Variants in RELL1 observed in about 807,000 individuals in gnomAD.
RELL1 encodes RELT-like protein 1.
A neutral mutation model predicts 23.0 loss-of-function variants in RELL1; 10 were observed. That is an observed-to-expected ratio of 0.43 (90% CI 0.27 to 0.74). The LOEUF is 0.74. Among genes scored for constraint, RELL1 ranks in the 30% least tolerant of loss-of-function variants. The pLI, the probability that RELL1 is intolerant of heterozygous loss-of-function variation, is 0.19. For synonymous variants in RELL1, 146 were observed against 146.8 expected, an observed-to-expected ratio of 0.99 and a Z score of 0.04; for missense variants, 315 against 364.4, an observed-to-expected ratio of 0.86 and a Z score of 1.10.
At chr4:37,677,071 G>C (rs1473282520) in intron 1 of RELL1, among the ~76,000 whole-genome samples, 2 of 152,192 alleles carry the variant, frequency 1.3e-5, no homozygotes, top group Non-Finnish European at 2.9e-5. Flanking sequence ...GACCATCAAA[G>C]TCCCTTCTGA....
At chr4:37,686,013 G>C (rs1722394379) in intron 1 of RELL1, among the ~76,000 whole-genome samples, 187 bp downstream of exon 1, 2 of 152,174 alleles carry the variant, frequency 1.3e-5, no homozygotes, top group South Asian at 2.1e-4. Flanking sequence ...GGGGAGGGAC[G>C]GGAGCCGTTG....
intron 1 of RELL1, among the ~76,000 whole-genome samples, chr4:37,683,950 G>A (rs1037373115): frequency 9.9e-5 from 15 of 151,916 alleles, no homozygotes; most frequent in South Asian, 6.3e-4. Flanking sequence ...GCATGGTGGC[G>A]GGCGCCTGTA....
Position 37,598,284 on chromosome 4 carries a change from A to AAAAAAAAAAAG in RELL1, c.*4-7068_*4-7067insCTTTTTTTTTT, listed in dbSNP as rs869260737. Reference sequence around the variant, plus strand: ...AAAAAAAAAAAAAAAAAAAAAAAAAAGTTTATAGGAAGAAAATATATAGAG... The same window carrying AAAAAAAAAAAG: ...AAAAAAAAAAAAAAAAAAAAAAAAAAAAAAAAAAAAGGTTTATAGGAAGAAAATATATAGAG... On this transcript the variant is annotated intron_variant, in intron 6 of 6. Transcript: ENST00000314117. Among the ~76,000 whole-genome samples the AAAAAAAAAAAG allele has an allele frequency of 1.0e-4, 12 of 117,248 alleles. 1 individual carries two copies. The highest frequency in any genetic ancestry group is 3.7e-4 in the African/African-American group (10 of 26,834). The allele number at this position is 117,248 out of a possible 152,430, so 76.9% of individuals were successfully genotyped here. A position where few individuals can be genotyped will look rare whatever the true frequency, so the allele number is the denominator to read the frequency against.
chr4:37,652,428 C>A (rs1479252784), intron 1 of RELL1, among the ~76,000 whole-genome samples: 2 of 152,158 alleles, frequency 1.3e-5, no homozygotes, highest in Non-Finnish European at 1.5e-5. Context: ...TCAGGAAAAA[C>A]CAGAAACATT....
At chr4:37,650,073 T>A (rs1341025829) in intron 1 of RELL1, among the ~76,000 whole-genome samples, 1 of 152,180 alleles carries the variant, frequency 6.6e-6, no homozygotes, top group Non-Finnish European at 1.5e-5. Context: ...AGGATTGTTA[T>A]AAAGATGAAA....
At chr4:37,610,075 G>GTCAA (rs1477279051), downstream of RELL1, among the ~76,000 whole-genome samples, 1 of 152,124 alleles carries the variant, frequency 6.6e-6, no homozygotes, top group Non-Finnish European at 1.5e-5. The surrounding 1 kb of genome is among the most constrained non-coding windows in gnomAD (Gnocchi z 4.1). Flanking sequence ...GAAAGGTGAG[G>GTCAA]TCAATCAGTG....
chr4:37,639,135 A>T (rs1720434190), intron 3 of RELL1, among the ~76,000 whole-genome samples: 1 of 152,146 alleles, frequency 6.6e-6, no homozygotes. Flanking sequence ...CTGTAATCCC[A>T]GCACTTTGGG....
intron 1 of RELL1, among the ~76,000 whole-genome samples, chr4:37,662,266 T>C (rs1721382316): frequency 1.3e-5 from 2 of 152,190 alleles, no homozygotes; most frequent in South Asian, 4.1e-4. Context: ...TAATTATCAT[T>C]TTTAATGGGA....
At chr4:37,651,376 G>C (rs1479363238) in intron 1 of RELL1, among the ~76,000 whole-genome samples, 1 of 152,198 alleles carries the variant, frequency 6.6e-6, no homozygotes, top group Non-Finnish European at 1.5e-5. Context: ...TGTGGGGTTT[G>C]ACTGAAACAA....
chr4:37,673,110 T>A (rs556045508), intron 1 of RELL1, among the ~76,000 whole-genome samples: 1 of 152,108 alleles, frequency 6.6e-6, no homozygotes, highest in East Asian at 1.9e-4. Flanking sequence ...AATACATAAT[T>A]AGCGAGCTTT....
chr4:37,634,879 G>T lies in RELL1; in HGVS notation c.680+8C>A, dbSNP rs1720263944. 6.2e-7 allele frequency: 1 copy of T among 1,612,926 alleles called. No homozygotes were observed. The highest frequency in any genetic ancestry group is 1.7e-5 in the Admixed American group (1 of 60,012). On this transcript the variant is annotated splice_region_variant and intron_variant, in intron 5 of 6. Coordinates refer to ENST00000454158, the MANE Select transcript of RELL1 (RefSeq NM_001085400.2). Reference sequence around the variant, plus strand: ...CACACAAACCAAAAGCATCTGAAGGGATCTTACCTGCCAACAGAAAGGACC... The same window carrying T: ...CACACAAACCAAAAGCATCTGAAGGTATCTTACCTGCCAACAGAAAGGACC...
intron 1 of RELL1, among the ~76,000 whole-genome samples, chr4:37,666,679 C>T (rs1330747477): frequency 6.6e-6 from 1 of 152,116 alleles, no homozygotes; most frequent in Non-Finnish European, 1.5e-5. Flanking sequence ...ATGTGGGGTG[C>T]AGAAAAGATA....
At chr4:37,638,195 T>C (rs1388563160) in intron 4 of RELL1, among the ~76,000 whole-genome samples, 2 of 152,152 alleles carry the variant, frequency 1.3e-5, no homozygotes, top group East Asian at 1.9e-4. Context: ...TGTGGAGACA[T>C]TATGGGTTGT....
intron 6 of RELL1, among the ~76,000 whole-genome samples, chr4:37,617,731 C>T (rs1337951015): frequency 6.6e-6 from 1 of 152,138 alleles, no homozygotes; most frequent in Non-Finnish European, 1.5e-5. Context: ...TGCAGTGAGC[C>T]GAGATTGCAC....
intron 6 of RELL1, among the ~76,000 whole-genome samples, chr4:37,614,338 TAG>T (rs1472640196): frequency 5.3e-5 from 8 of 151,970 alleles, no homozygotes; most frequent in Non-Finnish European, 1.2e-4. Flanking sequence ...TCAAAGAGAA[TAG>T]AGACAGAGCA....
intron 6 of RELL1, among the ~76,000 whole-genome samples, chr4:37,602,972 A>T (rs1719055200): frequency 6.6e-6 from 1 of 152,368 alleles, no homozygotes; most frequent in African/African-American, 2.4e-5. Context: ...AACAATAAAG[A>T]CAAACTGGCA....
At chr4:37,623,828 C>T (rs961152273) in intron 6 of RELL1, among the ~76,000 whole-genome samples, 1 of 152,086 alleles carries the variant, frequency 6.6e-6, no homozygotes, top group Non-Finnish European at 1.5e-5. Flanking sequence ...TCTGTTGCCC[C>T]GTAAGACCAG....
At chr4:37,676,879 C>T (rs908840784) in intron 1 of RELL1, among the ~76,000 whole-genome samples, 4 of 152,058 alleles carry the variant, frequency 2.6e-5, no homozygotes, top group African/African-American at 4.8e-5. Context: ...TACTCTATTC[C>T]GGGCCCTGTG....
intron 1 of RELL1, among the ~76,000 whole-genome samples, chr4:37,652,649 T>C (rs1001989323): frequency 1.3e-5 from 2 of 152,090 alleles, no homozygotes; most frequent in African/African-American, 4.8e-5. Flanking sequence ...GGGCTCAGAA[T>C]TGGAGTCAAA....
Sources: allele counts gnomAD v4.1 joint callset (sites outside exome capture counted in the v4.1 genomes callset), GRCh38; gene constraint gnomAD v4.1.1; non-coding constraint Gnocchi (gnomAD v3.1); transcripts MANE v1.5; gene names NCBI Gene and HGNC (gene_info 2026-07-23, HGNC 2026-07-21).